The following STEAP4 variants were observed in gnomAD, a reference collection of about 807,000 sequenced individuals.
STEAP4 encodes metalloreductase STEAP4.
Under a neutral mutation model 43.6 loss-of-function variants are expected in STEAP4, and 36 were observed. That is an observed-to-expected ratio of 0.83 (90% CI 0.63 to 1.09). The LOEUF is 1.09. Ranked by LOEUF, STEAP4 falls within the 50% of genes least tolerant of loss-of-function variation. The pLI, the probability that STEAP4 is intolerant of heterozygous loss-of-function variation, is 0.00. For missense variants in STEAP4, 495 were observed against 546.5 expected (o/e 0.91, Z 0.94); for synonymous variants, 191 against 196.7 (o/e 0.97, Z 0.24).
At chr7:88,286,468 AAG>A (rs1852736382) in intron 1 of STEAP4, among the ~76,000 whole-genome samples, 1 of 152,046 alleles carries the variant, frequency 6.6e-6, no homozygotes, top group South Asian at 2.1e-4. Flanking sequence ...TTGATCTTGG[AAG>A]GTTTGTCAAA....
chr7:88,301,478 C>T (rs1853032607), intron 1 of STEAP4, among the ~76,000 whole-genome samples: 1 of 152,090 alleles, frequency 6.6e-6, no homozygotes, highest in African/African-American at 2.4e-5. Context: ...GGGGTCTTAC[C>T]ATCGCCCAGG....
At chr7:88,304,015 C>G (rs562132089) in intron 1 of STEAP4, 2 of 152,304 alleles carry the variant, frequency 1.3e-5, no homozygotes, top group East Asian at 3.9e-4. Flanking sequence ...GTAAACCAGT[C>G]TCTTTTCATG....
chr7:88,280,934 C>T lies in STEAP4; in HGVS notation c.1130G>A (p.Arg377Lys), dbSNP rs771261943. The T allele has an allele frequency of 6.2e-7, 1 of 1,609,596 alleles. No individual in the cohort carries two copies. Among genetic ancestry groups the T allele is most frequent in the South Asian group, 1.1e-5 (1 of 90,290 alleles). ...TCTTACCTGGACAAATCGGAACTCT[C>T]TCCAGTTGACTGCATTGCTAACAGA... Reference protein sequence around the residue: ...LPSVSNAVNWREFRFVQSKLG... With the variant: ...LPSVSNAVNWKEFRFVQSKLG... The change falls in exon 4 of 5, where the codon AGA (arginine) becomes AAA (lysine). Residue 377 changes from arginine to lysine, a missense_variant. Transcript: ENST00000380079.
chr7:88,286,246 T>A (rs533485233), intron 1 of STEAP4, among the ~76,000 whole-genome samples: 1 of 152,352 alleles, frequency 6.6e-6, no homozygotes, highest in African/African-American at 2.4e-5. Flanking sequence ...TAATTATTAC[T>A]GATAACATAT....
rs778580296 is a variant in STEAP4 at position 88,283,830 on chromosome 7, A to G, written c.440T>C (p.Leu147Pro). 1 of 1,612,298 alleles carries G rather than the reference A, an allele frequency of 6.2e-7. No homozygotes were observed. Residue 147 changes from leucine to proline, a missense_variant, in exon 2 of 5, where the codon CTG becomes CCG. Coordinates refer to ENST00000380079, the MANE Select transcript of STEAP4 (RefSeq NM_024636.4). ...TATTCTTACCTGCCGACTTGCATCC[A>G]GTGCTCCTGACTGGAGAGCCCAGGC... ...ISAWALQSGALDASRQVFVCG... is the reference protein window; with the variant it reads ...ISAWALQSGAPDASRQVFVCG...
At chr7:88,292,442 TAAA>T in intron 1 of STEAP4, 1 of 152,206 alleles carries the variant, frequency 6.6e-6, no homozygotes, top group African/African-American at 2.4e-5. Flanking sequence ...CAATTCTTAT[TAAA>T]AAAATAAATC....
intron 1 of STEAP4, among the ~76,000 whole-genome samples, chr7:88,295,303 T>C (rs372040535): frequency 2.8e-4 from 43 of 152,308 alleles, no homozygotes; most frequent in African/African-American, 1.0e-3. Flanking sequence ...TCTTAGTTGC[T>C]TATGAAAATA....
intron 1 of STEAP4, among the ~76,000 whole-genome samples, chr7:88,294,702 C>G (rs1484968096): frequency 2.6e-5 from 4 of 152,088 alleles, no homozygotes; most frequent in East Asian, 1.9e-4. Context: ...ACTTTCTTTT[C>G]TTACACTTGG....
chr7:88,280,611 T>G (rs1222447325), intron 4 of STEAP4, among the ~76,000 whole-genome samples: 1 of 152,244 alleles, frequency 6.6e-6, no homozygotes, highest in Non-Finnish European at 1.5e-5. Flanking sequence ...TTTCCATATC[T>G]GTATGTCCAT....
chr7:88,272,970 C>T lies in STEAP4; in HGVS notation c.*6428G>A, dbSNP rs547054096. On this transcript the variant is annotated 3_prime_UTR_variant, in exon 5 of 5. Coordinates refer to ENST00000380079, the MANE Select transcript of STEAP4 (RefSeq NM_024636.4). ...AATTCCTGCATTTGGTAGCAGATCTCTTCTGCTTTTTTATTTTCTAAAACT... is the reference window on the plus strand; with the variant it reads ...AATTCCTGCATTTGGTAGCAGATCTTTTCTGCTTTTTTATTTTCTAAAACT... The T allele has an allele frequency of 7.4e-4, 113 of 152,262 alleles. 1 individual carries two copies. The highest frequency in any genetic ancestry group is 2.6e-3 in the African/African-American group (107 of 41,558). 9.4% of individuals were successfully genotyped at this position (152,262 alleles called of 1,614,324 possible).
chr7:88,271,219 T>C lies in STEAP4; in HGVS notation c.*8179A>G, dbSNP rs1175017633. ...TCCCCCATTACCTTTTAAATTAAAT[T>C]TATTTTAATAATTAGGTAACCTACT... On this transcript the variant is annotated 3_prime_UTR_variant, in exon 5 of 5. Coordinates refer to ENST00000380079, the MANE Select transcript of STEAP4 (RefSeq NM_024636.4). 2 of 152,176 alleles carry C rather than the reference T, an allele frequency of 1.3e-5. No homozygotes were observed. Among genetic ancestry groups the C allele is most frequent in the African/African-American group, 2.4e-5 (1 of 41,448 alleles). The allele number at this position is 152,176 out of a possible 1,614,324, so 9.4% of individuals were successfully genotyped here.
chr7:88,283,761 C>T, intron 2 of STEAP4, 53 bp downstream of exon 2: 1 of 1,519,946 alleles, frequency 6.6e-7, no homozygotes, highest in Non-Finnish European at 8.9e-7. Context: ...GAGGCAAGTG[C>T]ACATTTAATG....
At position 88,275,535 on chromosome 7, in the gene STEAP4, G is replaced by A. The variant is rs1472670842; in HGVS notation, c.*3863C>T. 6.6e-6 allele frequency: 1 copy of A among 151,990 alleles called. No individual in the cohort carries two copies. The highest frequency in any genetic ancestry group is 2.4e-5 in the African/African-American group (1 of 41,342). The allele number at this position is 151,990 out of a possible 1,614,324, so 9.4% of individuals were successfully genotyped here. On this transcript the variant is annotated 3_prime_UTR_variant, in exon 5 of 5. Transcript: ENST00000380079. The stretch of plus-strand genomic sequence containing the variant: ...GAAGAGTGAAGGATTTTTCTAGAAT[G>A]TAAACCTAATTCATTATAGAAAATT...
At position 88,279,486 on chromosome 7, in the gene STEAP4, A is replaced by T; in HGVS notation, c.1292T>A (p.Leu431Gln). The change falls in exon 5 of 5, where the codon CTG (leucine) becomes CAG (glutamine). Residue 431 changes from leucine to glutamine, a missense_variant. Coordinates refer to ENST00000380079, the MANE Select transcript of STEAP4 (RefSeq NM_024636.4). ...VLGLIIPCTV[L>Q]VIKFVLIMPC... Reference sequence around the variant, plus strand: ...CATGATTAGGACAAACTTGATCACCAGCACAGTGCAAGGAATGATAAGCCC... The same window carrying T: ...CATGATTAGGACAAACTTGATCACCTGCACAGTGCAAGGAATGATAAGCCC... 6.2e-7 allele frequency: 1 copy of T among 1,614,190 alleles called. No individual in the cohort carries two copies. The highest frequency in any genetic ancestry group is 8.5e-7 in the Non-Finnish European group (1 of 1,180,028).
intron 3 of STEAP4, 188 bp downstream of exon 3, chr7:88,282,453 T>A: frequency 3.0e-6 from 2 of 666,380 alleles, no homozygotes; most frequent in Non-Finnish European, 4.9e-6. Context: ...GGCAAACTTT[T>A]ATTCTTAATA....
intron 1 of STEAP4, among the ~76,000 whole-genome samples, chr7:88,286,364 G>C (rs1282624874): frequency 1.3e-5 from 2 of 151,972 alleles, no homozygotes; most frequent in African/African-American, 4.8e-5. Context: ...TTTTATATTT[G>C]ACAATGTTTC....
Position 88,271,718 on chromosome 7 carries a change from T to C in STEAP4, c.*7680A>G, listed in dbSNP as rs1213629777. On this transcript the variant is annotated 3_prime_UTR_variant, in exon 5 of 5. Coordinates refer to ENST00000380079, the MANE Select transcript of STEAP4 (RefSeq NM_024636.4). ...AGACTCCTGGATCAAAACTTAACTC[T>C]GCATTTTTTAATTTTGAAAGATATT... 6.6e-6 allele frequency: 1 copy of C among 152,230 alleles called. No homozygotes were observed. Among genetic ancestry groups the C allele is most frequent in the Non-Finnish European group, 1.5e-5 (1 of 68,044 alleles). The allele number at this position is 152,230 out of a possible 1,614,324, so 9.4% of individuals were successfully genotyped here.
In STEAP4 at chr7:88,303,205, A is replaced by AAC. The variant is rs1554544053; in HGVS notation, c.-3+3586_-3+3587insGT. 2.5e-3 allele frequency among the ~76,000 whole-genome samples: 299 copies of AAC among 118,962 alleles called. 18 individuals are homozygous for AAC. Among genetic ancestry groups the AAC allele is most frequent in the African/African-American group, 8.2e-3 (278 of 33,894 alleles). 78.0% of individuals were successfully genotyped at this position (118,962 alleles called of 152,430 possible). On this transcript the variant is annotated intron_variant, in intron 1 of 4. Transcript: ENST00000380079. ...GCATTAAAAAAAAAAAAAAAAAAAA[A>AAC]AAAACTCCAACCGGGCGCGGTGGCT...
At chr7:88,297,739 A>G (rs1852947042) in intron 1 of STEAP4, among the ~76,000 whole-genome samples, 1 of 152,112 alleles carries the variant, frequency 6.6e-6, no homozygotes, top group Non-Finnish European at 1.5e-5. Context: ...GTGCATATGT[A>G]TGAACTAACT....
Sources: allele counts gnomAD v4.1 joint callset (sites outside exome capture counted in the v4.1 genomes callset), GRCh38; gene constraint gnomAD v4.1.1; transcripts MANE v1.5; gene names NCBI Gene and HGNC (gene_info 2026-07-23, HGNC 2026-07-21).